MACROD2: variants seen among roughly 807,000 people sequenced by gnomAD.
MACROD2 encodes the protein mono-ADP ribosylhydrolase 2.
In MACROD2, 36 loss-of-function variants were observed where a neutral mutation model predicts 70.4. The observed-to-expected ratio is 0.51, with a 90% CI of 0.39 to 0.68. The LOEUF (loss-of-function observed/expected upper bound fraction) is 0.68, where lower values mean the gene tolerates loss of function less well. Ranked by LOEUF, MACROD2 falls within the 30% of genes least tolerant of loss-of-function variation. The pLI is 0.00. For missense variants in MACROD2, 496 were observed against 538.4 expected (o/e 0.92, Z 0.78); for synonymous variants, 172 against 178.8 (o/e 0.96, Z 0.30).
At chr20:14,644,782 T>A (rs1484488261) in intron 4 of MACROD2, among the ~76,000 whole-genome samples, 1 of 152,186 alleles carries the variant, frequency 6.6e-6, no homozygotes, top group Non-Finnish European at 1.5e-5. Flanking sequence ...ATTGCTGTTG[T>A]GTTCAAACTT....
At chr20:16,046,389 G>A (rs911511432) in intron 17 of MACROD2, among the ~76,000 whole-genome samples, 13 of 151,706 alleles carry the variant, frequency 8.6e-5, no homozygotes, top group African/African-American at 3.1e-4. Context: ...CTGCAGAAAT[G>A]ATACGGTTGA....
chr20:14,440,627 G>A (rs1271636165), intron 3 of MACROD2, among the ~76,000 whole-genome samples: 2 of 152,202 alleles, frequency 1.3e-5, no homozygotes, highest in African/African-American at 4.8e-5. Flanking sequence ...TGAGACGTCT[G>A]TAGAAGAGTC....
chr20:14,848,280 C>G (rs1347828179), intron 5 of MACROD2, among the ~76,000 whole-genome samples: 3 of 152,188 alleles, frequency 2.0e-5, no homozygotes, highest in Non-Finnish European at 4.4e-5. Context: ...AAATATACTT[C>G]TGCATACATA....
intron 8 of MACROD2, chr20:15,619,894 G>A (rs1437540826): frequency 1.3e-5 from 2 of 153,330 alleles, no homozygotes; most frequent in Non-Finnish European, 1.5e-5. Context: ...ACTGAGAGGT[G>A]GGGAGGGGAA....
rs138258242 is a variant in MACROD2, at chr20:15,187,969, G to A, written c.419-41971G>A. Among the ~76,000 whole-genome samples the A allele has an allele frequency of 1.0e-3, 155 of 152,090 alleles. 1 individual carries two copies. Among genetic ancestry groups the A allele is most frequent in the Middle Eastern group, 3.4e-3 (1 of 294 alleles). On this transcript the variant is annotated intron_variant, in intron 5 of 17. Coordinates refer to ENST00000684519, the MANE Select transcript of MACROD2 (RefSeq NM_001351661.2). ...TACTTCTGATGTCCTTAATTATCCT[G>A]GATTCTCCCTCCATCCATCCCCTAC...
At chr20:15,740,151 G>A (rs2051082641) in intron 8 of MACROD2, among the ~76,000 whole-genome samples, 1 of 152,186 alleles carries the variant, frequency 6.6e-6, no homozygotes, top group African/African-American at 2.4e-5. Context: ...AAATGTGGAA[G>A]AATATGTGGG....
At chr20:14,551,243 A>C (rs755236928) in intron 4 of MACROD2, among the ~76,000 whole-genome samples, 1 of 152,192 alleles carries the variant, frequency 6.6e-6, no homozygotes, top group Non-Finnish European at 1.5e-5. Flanking sequence ...TTGGTTCCTT[A>C]ATGCAGTGCA....
intron 3 of MACROD2, among the ~76,000 whole-genome samples, chr20:14,348,877 G>T (rs2083091221): frequency 6.6e-6 from 1 of 152,112 alleles, no homozygotes; most frequent in South Asian, 2.1e-4. Flanking sequence ...AGACTAGCTT[G>T]GGCAACATGA....
chr20:14,025,485 C>A (rs968267943), intron 2 of MACROD2, among the ~76,000 whole-genome samples: 5 of 152,146 alleles, frequency 3.3e-5, no homozygotes, highest in African/African-American at 1.2e-4. Context: ...GCATTTAGTG[C>A]TATAAATTTC....
intron 15 of MACROD2, among the ~76,000 whole-genome samples, chr20:16,010,617 G>C (rs1418651053): frequency 6.6e-6 from 1 of 152,160 alleles, no homozygotes; most frequent in Admixed American, 6.5e-5. Context: ...CAGCCACGAG[G>C]TTTCTGACAG....
intron 8 of MACROD2, among the ~76,000 whole-genome samples, chr20:15,706,781 T>C (rs2050538821): frequency 6.6e-6 from 1 of 152,208 alleles, no homozygotes; most frequent in Non-Finnish European, 1.5e-5. Flanking sequence ...ACCATCATAA[T>C]TCAACATTTC....
intron 8 of MACROD2, among the ~76,000 whole-genome samples, chr20:15,503,766 G>A (rs144241564): frequency 0.011 from 1,735 of 152,256 alleles, 17 homozygotes; most frequent in Non-Finnish European, 0.017. Flanking sequence ...GGGTCAATCA[G>A]CCCTGCTTGA....
At chr20:15,461,922 A>T (rs1243887996) in intron 7 of MACROD2, among the ~76,000 whole-genome samples, 1 of 152,120 alleles carries the variant, frequency 6.6e-6, no homozygotes, top group Non-Finnish European at 1.5e-5. Flanking sequence ...TCTTTGTGTA[A>T]ATTTACTGTG....
intron 6 of MACROD2, among the ~76,000 whole-genome samples, chr20:15,294,981 GT>G (rs2077573222): frequency 6.6e-6 from 1 of 152,164 alleles, no homozygotes; most frequent in South Asian, 2.1e-4. Context: ...GTTTGGCTGT[GT>G]CCCCACTGAA....
intron 15 of MACROD2, among the ~76,000 whole-genome samples, chr20:16,010,407 G>A (rs2066847879): frequency 6.6e-6 from 1 of 152,162 alleles, no homozygotes; most frequent in Non-Finnish European, 1.5e-5. Flanking sequence ...ACAGAAACCA[G>A]AGGACAGAGT....
chr20:14,616,826 G>C (rs531821737), intron 4 of MACROD2, among the ~76,000 whole-genome samples: 104 of 152,124 alleles, frequency 6.8e-4, no homozygotes, highest in African/African-American at 2.4e-3. Context: ...TTTAAGAACA[G>C]CTTAAATGAG....
chr20:15,645,551 T>C (rs1439427621), intron 8 of MACROD2, among the ~76,000 whole-genome samples: 2 of 152,136 alleles, frequency 1.3e-5, no homozygotes. Flanking sequence ...CTCTGAATTC[T>C]GAAAAGCAGC....
chr20:15,723,847 T>C (rs998674713), intron 8 of MACROD2, among the ~76,000 whole-genome samples: 1 of 152,172 alleles, frequency 6.6e-6, no homozygotes, highest in Non-Finnish European at 1.5e-5. Context: ...GTATATTTAG[T>C]TTTGTAAGAA....
intron 5 of MACROD2, among the ~76,000 whole-genome samples, chr20:14,957,257 GT>G (rs199570141): frequency 2.0e-5 from 3 of 151,256 alleles, no homozygotes; most frequent in Non-Finnish European, 1.5e-5. Context: ...TAATTTCTTA[GT>G]TTTTTTTGTA....
Sources: gnomAD v4.1 joint callset for allele counts (sites outside exome capture counted in the v4.1 genomes callset) on GRCh38, gnomAD v4.1.1 for gene constraint, MANE v1.5 for transcripts, NCBI Gene and HGNC (gene_info 2026-07-23, HGNC 2026-07-21) for gene names.